Variants in TOGARAM1 observed in about 807,000 individuals in gnomAD.
TOGARAM1 encodes the protein TOG array regulator of axonemal microtubules protein 1.
Under a neutral mutation model 166.6 loss-of-function variants are expected in TOGARAM1, and 100 were observed. That is an observed-to-expected ratio of 0.60 (90% CI 0.51 to 0.71). The LOEUF is 0.71. Ranked by LOEUF, TOGARAM1 falls within the 30% of genes least tolerant of loss-of-function variation. TOGARAM1 has a pLI of 0.00. For synonymous variants in TOGARAM1, 758 were observed against 763.8 expected (o/e 0.99, Z 0.13); for missense variants, 2,029 against 2,102.7 (o/e 0.96, Z 0.69).
intron 1 of TOGARAM1, among the ~76,000 whole-genome samples, chr14:44,967,131 C>G (rs547697687): frequency 4.6e-5 from 7 of 152,068 alleles, no homozygotes; most frequent in Admixed American, 4.6e-4. Flanking sequence ...ATTGCTATTT[C>G]TTGCCATTGT....
At position 44,962,973 on chromosome 14, in the gene TOGARAM1, AGTT is replaced by A. The variant is rs772870442; in HGVS notation, c.555_557del (p.Val186del). On this transcript the variant is annotated inframe_deletion, in exon 1 of 20. Transcript: ENST00000361462. ...TTAGCTTAGCACTTTTGCCTCAACT[AGTT>A]GTCTCGTTACGGGAAGAGAATCCAG... 16 of 1,614,156 alleles carry A rather than the reference AGTT, an allele frequency of 9.9e-6. No individual in the cohort carries two copies. In the East Asian group the frequency reaches 2.7e-4, roughly 27 times the overall value.
chr14:45,054,762 A>G (rs1358134290), intron 16 of TOGARAM1, among the ~76,000 whole-genome samples: 2 of 152,212 alleles, frequency 1.3e-5, no homozygotes, highest in South Asian at 2.1e-4. Context: ...GACATTAGCA[A>G]TGCTTTAGTG....
At chr14:45,049,521 A>G (rs1046528273) in intron 14 of TOGARAM1, among the ~76,000 whole-genome samples, 3 of 152,112 alleles carry the variant, frequency 2.0e-5, no homozygotes, top group African/African-American at 7.2e-5. Context: ...GGCCTCCCAA[A>G]GTGCTGGGAT....
rs572258412 is a variant in TOGARAM1 at position 45,031,664 on chromosome 14, G to T, written c.3659-559G>T. Among the ~76,000 whole-genome samples the T allele has an allele frequency of 3.9e-5, 6 of 152,136 alleles. No individual in the cohort carries two copies. The South Asian group carries it at 1.2e-3, about 32-fold the overall frequency. On this transcript the variant is annotated intron_variant, in intron 10 of 19. Transcript: ENST00000361462. ...ATGACTCATGACTGAAAAATTACTT[G>T]TAGTTTTATTAAATATAATTTGTTA...
At chr14:45,054,848 T>C (rs1882553495) in intron 16 of TOGARAM1, among the ~76,000 whole-genome samples, 1 of 152,054 alleles carries the variant, frequency 6.6e-6, no homozygotes, top group Non-Finnish European at 1.5e-5. Context: ...CCTTTATTTT[T>C]CCCCCGATTG....
chr14:44,992,386 A>C (rs1447779397), intron 1 of TOGARAM1, among the ~76,000 whole-genome samples: 2 of 152,108 alleles, frequency 1.3e-5, no homozygotes, highest in East Asian at 3.9e-4. Context: ...GTAAAAGGTG[A>C]AAGGTTCAAA....
At chr14:45,055,188 T>C (rs1438779847) in intron 16 of TOGARAM1, among the ~76,000 whole-genome samples, 4 of 152,240 alleles carry the variant, frequency 2.6e-5, no homozygotes, top group Admixed American at 2.6e-4. Context: ...TTTATAAATG[T>C]AGGTCCCAAA....
At chr14:45,025,941 G>A (rs1057478709) in intron 8 of TOGARAM1, 69 bp downstream of exon 8, 4 of 732,286 alleles carry the variant, frequency 5.5e-6, no homozygotes, top group Non-Finnish European at 9.2e-6. Flanking sequence ...TATCAATAAG[G>A]AATAGAAAAG....
At chr14:45,001,238 G>A (rs1887678259) in intron 3 of TOGARAM1, among the ~76,000 whole-genome samples, 2 of 152,136 alleles carry the variant, frequency 1.3e-5, no homozygotes, top group Admixed American at 6.5e-5. Flanking sequence ...ACCTTTCACT[G>A]TATGCAAAAA....
intron 12 of TOGARAM1, among the ~76,000 whole-genome samples, chr14:45,044,148 T>G (rs1881862661): frequency 6.6e-6 from 1 of 152,058 alleles, no homozygotes; most frequent in South Asian, 2.1e-4. Context: ...TAGCTGGGAT[T>G]ACAGGCACAC....
At chr14:45,038,966 C>T (rs910690052) in intron 11 of TOGARAM1, among the ~76,000 whole-genome samples, 15 of 152,160 alleles carry the variant, frequency 9.9e-5, no homozygotes, top group Non-Finnish European at 2.1e-4. Context: ...ATCTGTGCAA[C>T]CCTCAGTGGA....
intron 1 of TOGARAM1, among the ~76,000 whole-genome samples, chr14:44,977,329 G>T (rs780124318): frequency 2.7e-5 from 4 of 150,724 alleles, no homozygotes; most frequent in Non-Finnish European, 4.4e-5. Context: ...CCACCTTCCG[G>T]GTTCACGCCA....
Position 44,964,443 on chromosome 14 carries a change from C to T in TOGARAM1, c.2022C>T (p.Thr674=). The T allele has an allele frequency of 6.3e-7, 1 of 1,593,564 alleles. No homozygotes were observed. Among genetic ancestry groups the T allele is most frequent in the Non-Finnish European group, 8.6e-7 (1 of 1,169,442 alleles). Residue 674 remains threonine (T), a synonymous_variant, in exon 1 of 20, where the codon ACC becomes ACT. Transcript: ENST00000361462. ...CTGGAATCATGGGAGAAAACCAGAC[C>T]TCCACTTCCAAGGATATAGAGCAGG... ...EQPGIMGENQ[T]STSKDIEQFS...
intron 9 of TOGARAM1, among the ~76,000 whole-genome samples, chr14:45,027,886 A>G (rs1880947543): frequency 6.6e-6 from 1 of 152,076 alleles, no homozygotes; most frequent in Non-Finnish European, 1.5e-5. Flanking sequence ...AAAAAAAAAA[A>G]AAGAAATTTT....
chr14:45,050,883 G>A (rs573887544), intron 14 of TOGARAM1, among the ~76,000 whole-genome samples: 3 of 152,282 alleles, frequency 2.0e-5, no homozygotes, highest in Admixed American at 1.3e-4. Flanking sequence ...CCAAAGTGCT[G>A]GGATTACAGG....
At chr14:45,019,783 C>T (rs1008882108) in intron 7 of TOGARAM1, among the ~76,000 whole-genome samples, 1 of 152,160 alleles carries the variant, frequency 6.6e-6, no homozygotes, top group Non-Finnish European at 1.5e-5. Context: ...CGCTGTCGGC[C>T]TAGGAAATCC....
chr14:45,037,331 G>T (rs538896060), intron 11 of TOGARAM1, among the ~76,000 whole-genome samples: 3 of 152,300 alleles, frequency 2.0e-5, no homozygotes, highest in African/African-American at 7.2e-5. Context: ...GAAGTCAACT[G>T]ATTAGGGACC....
At position 44,962,700 on chromosome 14, in the gene TOGARAM1, T is replaced by G; in HGVS notation, c.279T>G (p.Asp93Glu). ...CTGGAGGCGGTTTGTCAGGGGGAGA[T>G]GAAGAGGACACTCGGCTCCTTCAAC... ...SESGGGLSGG[D>E]EEDTRLLQLL... Residue 93 changes from aspartate to glutamate, a missense_variant, in exon 1 of 20, where the codon GAT becomes GAG. This residue lies in a region of TOGARAM1 where 1,453 missense variants were observed against 1,432.2 expected (regional missense o/e 1.01). Coordinates refer to ENST00000361462, the MANE Select transcript of TOGARAM1 (RefSeq NM_001308120.2). 1.2e-6 allele frequency: 2 copies of G among 1,614,006 alleles called. No individual in the cohort carries two copies. The highest frequency in any genetic ancestry group is 1.7e-6 in the Non-Finnish European group (2 of 1,180,020).
intron 10 of TOGARAM1, among the ~76,000 whole-genome samples, chr14:45,031,041 CT>C (rs1881126040): frequency 6.6e-6 from 1 of 152,102 alleles, no homozygotes; most frequent in South Asian, 2.1e-4. Context: ...ACCTTGTTGC[CT>C]TTGGATTTTA....
Sources: gnomAD v4.1 joint callset for allele counts (sites outside exome capture counted in the v4.1 genomes callset) on GRCh38, gnomAD v4.1.1 for gene constraint, gnomAD v4.1.1 regional missense constraint, MANE v1.5 for transcripts, NCBI Gene and HGNC (gene_info 2026-07-23, HGNC 2026-07-21) for gene names.